The following DPY19L2 variants were observed in gnomAD, a reference collection of about 807,000 sequenced individuals.
DPY19L2 encodes dpy-19 like 2.
Under a neutral mutation model 97.9 loss-of-function variants are expected in DPY19L2, and 34 were observed. The ratio of observed to expected loss-of-function variants is 0.35; its 90% CI spans 0.26 to 0.46. The LOEUF (loss-of-function observed/expected upper bound fraction) is 0.46. Ranked by LOEUF, DPY19L2 falls within the 20% of genes least tolerant of loss-of-function variation. The probability of loss-of-function intolerance (pLI) is 1.00; values close to 1 mark genes in which losing one functional copy is unlikely to be tolerated. For missense variants in DPY19L2, 623 were observed against 911.4 expected (o/e 0.68, Z 4.07); for synonymous variants, 230 against 307.9 (o/e 0.75, Z 2.65).
At chr12:63,582,554 A>G (rs773236220) in intron 17 of DPY19L2, 29 bp from the exon 18 acceptor site, 3 of 1,593,942 alleles carry the variant, frequency 1.9e-6, no homozygotes, top group Admixed American at 1.8e-5. Context: ...ACAAAATCAC[A>G]TTTTTACTTT....
At chr12:63,586,419 A>G (rs1332741638) in intron 16 of DPY19L2, among the ~76,000 whole-genome samples, 1 of 152,212 alleles carries the variant, frequency 6.6e-6, no homozygotes, top group Admixed American at 6.5e-5. Flanking sequence ...AACATAACAG[A>G]TAAGACAACA....
chr12:63,580,383 A>G (rs1375071331), intron 19 of DPY19L2, among the ~76,000 whole-genome samples: 3 of 152,174 alleles, frequency 2.0e-5, no homozygotes, highest in Non-Finnish European at 4.4e-5. Context: ...GTTAAAGGAC[A>G]TAACTTATGA....
In DPY19L2 at chr12:63,593,532, T is replaced by C. The variant is rs188641245; in HGVS notation, c.1580+555A>G. ...GGAAATCATCATTCTCAGTAAACGATTGCAAGAACAAAAAACCAAACACCG... is the reference window on the plus strand; with the variant it reads ...GGAAATCATCATTCTCAGTAAACGACTGCAAGAACAAAAAACCAAACACCG... On this transcript the variant is annotated intron_variant, in intron 16 of 21. Transcript: ENST00000324472. 2.4e-3 allele frequency among the ~76,000 whole-genome samples: 369 copies of C among 152,132 alleles called. 4 individuals carry two copies. Among genetic ancestry groups the C allele is most frequent in the African/African-American group, 8.6e-3 (357 of 41,492 alleles).
chr12:63,577,121 A>G (rs1879995331), intron 19 of DPY19L2, among the ~76,000 whole-genome samples: 1 of 152,064 alleles, frequency 6.6e-6, no homozygotes, highest in Non-Finnish European at 1.5e-5. Context: ...AGAACCCAGA[A>G]AGAAATCCAT....
rs1301687376 is a variant in DPY19L2 at position 63,559,487 on chromosome 12, A to G, written c.*1025T>C. 6.6e-6 allele frequency: 1 copy of G among 152,592 alleles called. No individual in the cohort carries two copies. The highest frequency in any genetic ancestry group is 2.4e-5 in the African/African-American group (1 of 41,446). The allele number at this position is 152,592 out of a possible 1,614,324, so 9.5% of individuals were successfully genotyped here. On this transcript the variant is annotated 3_prime_UTR_variant, in exon 22 of 22. Transcript: ENST00000324472. ...CAAGAGTATCTTCAAGATAACTACCACTTTTCAAAGCACTATTGTTGGGTA... is the reference window on the plus strand; with the variant it reads ...CAAGAGTATCTTCAAGATAACTACCGCTTTTCAAAGCACTATTGTTGGGTA...
intron 4 of DPY19L2, among the ~76,000 whole-genome samples, chr12:63,648,051 C>CCCCT (rs1166134283): frequency 3.3e-5 from 5 of 152,076 alleles, no homozygotes; most frequent in African/African-American, 9.7e-5. Flanking sequence ...TGAAGACTCC[C>CCCCT]CCCTCATGAG....
At chr12:63,561,394 A>G (rs1173704013) in intron 21 of DPY19L2, among the ~76,000 whole-genome samples, 1 of 152,034 alleles carries the variant, frequency 6.6e-6, no homozygotes, top group Non-Finnish European at 1.5e-5. Flanking sequence ...AATTTCCATC[A>G]CCCCCACAAG....
intron 8 of DPY19L2, among the ~76,000 whole-genome samples, chr12:63,623,272 C>T (rs1888991501): frequency 6.6e-6 from 1 of 151,596 alleles, no homozygotes; most frequent in Non-Finnish European, 1.5e-5. Flanking sequence ...TGAAATGAAA[C>T]TGGTTGTCCT....
At chr12:63,599,506 T>G (rs1358685155) in intron 13 of DPY19L2, among the ~76,000 whole-genome samples, 1 of 152,150 alleles carries the variant, frequency 6.6e-6, no homozygotes, top group African/African-American at 2.4e-5. Flanking sequence ...GAGATAGCAT[T>G]TGACCTTTTA....
chr12:63,588,829 C>T (rs1882301209), intron 16 of DPY19L2, among the ~76,000 whole-genome samples: 1 of 149,898 alleles, frequency 6.7e-6, no homozygotes, highest in Admixed American at 6.7e-5. Context: ...TCTCAGCTCA[C>T]TGAAACCTCC....
intron 16 of DPY19L2, among the ~76,000 whole-genome samples, chr12:63,587,315 T>C (rs1460321416): frequency 2.0e-5 from 3 of 151,988 alleles, no homozygotes; most frequent in Non-Finnish European, 4.4e-5. Flanking sequence ...ATGTTGTATG[T>C]GAAGATAGCA....
chr12:63,562,012 A>G lies in DPY19L2; in HGVS notation c.2127-1350T>C, dbSNP rs146104871. Among the ~76,000 whole-genome samples, 183 of 152,296 alleles carry G rather than the reference A, an allele frequency of 1.2e-3. 1 individual carries two copies. The highest frequency in any genetic ancestry group is 4.0e-3 in the African/African-American group (165 of 41,574). The stretch of plus-strand genomic sequence containing the variant: ...CTTCTTTGGTGAAATTTCTATTCAA[A>G]TATTGTGCCAAATTTTGTGTTGTTT... On this transcript the variant is annotated intron_variant, in intron 21 of 21. Coordinates refer to ENST00000324472, the MANE Select transcript of DPY19L2 (RefSeq NM_173812.5).
At chr12:63,651,059 T>C (rs1258919764) in intron 4 of DPY19L2, among the ~76,000 whole-genome samples, 1 of 151,954 alleles carries the variant, frequency 6.6e-6, no homozygotes, top group African/African-American at 2.4e-5. Context: ...AACACACACA[T>C]AGACCAATGG....
intron 2 of DPY19L2, among the ~76,000 whole-genome samples, chr12:63,664,851 A>C (rs575950769): frequency 4.6e-5 from 7 of 152,266 alleles, no homozygotes; most frequent in Admixed American, 2.0e-4. Flanking sequence ...CAAAAACTGC[A>C]GGAATATTCT....
intron 6 of DPY19L2, among the ~76,000 whole-genome samples, chr12:63,638,052 A>T (rs562962807): frequency 6.6e-6 from 1 of 152,324 alleles, no homozygotes; most frequent in South Asian, 2.1e-4. Context: ...GGCTGGTTCA[A>T]CATACGCAAA....
At chr12:63,595,727 T>C (rs922644788) in intron 15 of DPY19L2, among the ~76,000 whole-genome samples, 8 of 152,138 alleles carry the variant, frequency 5.3e-5, no homozygotes, top group Non-Finnish European at 1.0e-4. Context: ...GTACCTACAA[T>C]GTTAATGTAG....
chr12:63,615,570 C>T (rs561973969), intron 11 of DPY19L2, among the ~76,000 whole-genome samples: 3 of 152,234 alleles, frequency 2.0e-5, no homozygotes, highest in Non-Finnish European at 4.4e-5. Context: ...AAAATCTGGA[C>T]CATGAAATCC....
At chr12:63,624,887 T>C (rs1218196161) in intron 7 of DPY19L2, among the ~76,000 whole-genome samples, 1 of 152,148 alleles carries the variant, frequency 6.6e-6, no homozygotes, top group African/African-American at 2.4e-5. Flanking sequence ...TTGTAAATGT[T>C]GGAAGAGGAA....
intron 6 of DPY19L2, among the ~76,000 whole-genome samples, chr12:63,636,335 A>G (rs1342900228): frequency 3.9e-5 from 6 of 152,186 alleles, no homozygotes; most frequent in Admixed American, 6.5e-5. Context: ...GCTAAATTGT[A>G]AAGACCATCG....
Sources: gnomAD v4.1 joint callset for allele counts (sites outside exome capture counted in the v4.1 genomes callset) on GRCh38, gnomAD v4.1.1 for gene constraint, MANE v1.5 for transcripts, NCBI Gene and HGNC (gene_info 2026-07-23, HGNC 2026-07-21) for gene names.